TTC17: variants seen among roughly 807,000 people sequenced by gnomAD.
TTC17 encodes the protein tetratricopeptide repeat protein 17.
A neutral mutation model predicts 143.8 loss-of-function variants in TTC17; 58 were observed. The ratio of observed to expected loss-of-function variants is 0.40; its 90% CI spans 0.33 to 0.50. The LOEUF is 0.50. TTC17 is among the 20% of genes least tolerant of loss of function. The pLI is 0.49. For synonymous variants in TTC17, 501 were observed against 497.8 expected (o/e 1.01, Z -0.09); for missense variants, 1,273 against 1,392.5 (o/e 0.91, Z 1.37).
At chr11:43,367,434 G>GA (rs991110234) in intron 1 of TTC17, among the ~76,000 whole-genome samples, 1 of 152,180 alleles carries the variant, frequency 6.6e-6, no homozygotes, top group Non-Finnish European at 1.5e-5. Flanking sequence ...AAAATAATCA[G>GA]AAAAAACAGA....
intron 21 of TTC17, among the ~76,000 whole-genome samples, chr11:43,489,267 T>C (rs925321753): frequency 6.6e-6 from 1 of 151,970 alleles, no homozygotes; most frequent in African/African-American, 2.4e-5. Context: ...AGAAAAGACG[T>C]TCAAAAGGCT....
intron 21 of TTC17, among the ~76,000 whole-genome samples, chr11:43,452,901 C>G (rs1311091948): frequency 2.0e-5 from 3 of 151,794 alleles, no homozygotes; most frequent in Admixed American, 6.6e-5. Context: ...CCAGCCTGGG[C>G]AACAGAGTGA....
At chr11:43,426,655 G>T (rs1947035539) in intron 16 of TTC17, among the ~76,000 whole-genome samples, 1 of 151,982 alleles carries the variant, frequency 6.6e-6, no homozygotes, top group African/African-American at 2.4e-5. Flanking sequence ...ATTTCCTAGT[G>T]CTTGATCTTT....
At chr11:43,490,508 C>T in intron 22 of TTC17, 150 bp downstream of exon 22, 1 of 1,272,624 alleles carries the variant, frequency 7.9e-7, no homozygotes, top group South Asian at 1.9e-5. Context: ...TCTGACTGGG[C>T]TTGTGCCCCA....
At chr11:43,425,856 G>A (rs967735491) in intron 16 of TTC17, among the ~76,000 whole-genome samples, 1 of 152,124 alleles carries the variant, frequency 6.6e-6, no homozygotes, top group African/African-American at 2.4e-5. Flanking sequence ...ATATTGAAAA[G>A]GCCATAGCTT....
chr11:43,477,504 G>A (rs1948206860), intron 21 of TTC17, among the ~76,000 whole-genome samples: 1 of 152,186 alleles, frequency 6.6e-6, no homozygotes, highest in African/African-American at 2.4e-5. Context: ...CAGAATCATG[G>A]CAGGAGGCAA....
At chr11:43,458,053 T>A (rs1374016042) in intron 21 of TTC17, among the ~76,000 whole-genome samples, 2 of 152,170 alleles carry the variant, frequency 1.3e-5, no homozygotes, top group East Asian at 3.8e-4. Context: ...CTGTATCAGT[T>A]ACCTATTGTT....
In TTC17 at chr11:43,430,978, T is replaced by C. The variant is rs940737346; in HGVS notation, c.2252-12347T>C. Among the ~76,000 whole-genome samples the C allele has an allele frequency of 2.0e-5, 3 of 152,140 alleles. No homozygotes were observed. In the East Asian group the frequency reaches 5.8e-4, roughly 29 times the overall value. ...GTGTGATGTTCCCCTCCTGTGTCCA[T>C]GTGTTCTCATTGTTCAGCTCCCACT... On this transcript the variant is annotated intron_variant, in intron 16 of 23. Transcript: ENST00000039989.
At chr11:43,428,427 C>T (rs537985119) in intron 16 of TTC17, among the ~76,000 whole-genome samples, 1 of 152,144 alleles carries the variant, frequency 6.6e-6, no homozygotes, top group African/African-American at 2.4e-5. Context: ...GATCATTTAC[C>T]TTTCTAGAAG....
At chr11:43,478,004 C>T (rs1252023208) in intron 21 of TTC17, among the ~76,000 whole-genome samples, 2 of 152,080 alleles carry the variant, frequency 1.3e-5, no homozygotes, top group Non-Finnish European at 2.9e-5. Context: ...TAGAAGTACA[C>T]ACCTATAAAG....
At chr11:43,486,642 C>T (rs529928328) in intron 21 of TTC17, among the ~76,000 whole-genome samples, 109 of 152,214 alleles carry the variant, frequency 7.2e-4, no homozygotes, top group Non-Finnish European at 1.1e-3. Flanking sequence ...ATACAAGTTC[C>T]ATTTTTCAGT....
chr11:43,368,398 C>T (rs1856433478), intron 1 of TTC17, among the ~76,000 whole-genome samples: 1 of 152,150 alleles, frequency 6.6e-6, no homozygotes, highest in South Asian at 2.1e-4. Flanking sequence ...TTTTCTACCC[C>T]ACCACACCTG....
chr11:43,478,658 A>C (rs1296115599), intron 21 of TTC17, among the ~76,000 whole-genome samples: 1 of 152,092 alleles, frequency 6.6e-6, no homozygotes, highest in African/African-American at 2.4e-5. Flanking sequence ...CCCAGGCGAG[A>C]GTGCAGTGAC....
At chr11:43,366,904 C>T (rs117089590) in intron 1 of TTC17, among the ~76,000 whole-genome samples, 2,945 of 152,234 alleles carry the variant, frequency 0.019, 35 homozygotes, top group Non-Finnish European at 0.031. Context: ...TGTTCTTCCC[C>T]CAACACTCGA....
chr11:43,393,023 C>T lies in TTC17; in HGVS notation c.663+1071C>T, dbSNP rs1264289182. Reference sequence around the variant, plus strand: ...GGTTAGGTGGTTGTATTTGTCTGCTCAGGCTTCCATAACAAAGTACCACTT... The same window carrying T: ...GGTTAGGTGGTTGTATTTGTCTGCTTAGGCTTCCATAACAAAGTACCACTT... On this transcript the variant is annotated intron_variant, in intron 5 of 23. Transcript: ENST00000039989. Among the ~76,000 whole-genome samples, 2 of 152,342 alleles carry T rather than the reference C, an allele frequency of 1.3e-5. 1 individual carries two copies. Among genetic ancestry groups the T allele is most frequent in the South Asian group, 4.1e-4 (2 of 4,828 alleles).
chr11:43,423,421 A>G (rs567940234), intron 16 of TTC17, among the ~76,000 whole-genome samples: 1 of 152,198 alleles, frequency 6.6e-6, no homozygotes, highest in Non-Finnish European at 1.5e-5. Flanking sequence ...GAAAACGCCA[A>G]GAATGGAATC....
At chr11:43,401,392 C>A (rs1053283234) in intron 9 of TTC17, 54 bp from the exon 10 acceptor site, 1 of 1,262,888 alleles carries the variant, frequency 7.9e-7, no homozygotes, top group Admixed American at 1.9e-5. Flanking sequence ...AAGAAAATCA[C>A]ATTGGCATTG....
intron 5 of TTC17, chr11:43,396,314 A>C (rs1395580987): frequency 6.5e-6 from 1 of 153,016 alleles, no homozygotes; most frequent in African/African-American, 2.4e-5. Flanking sequence ...AATAGAAAAA[A>C]TTCTAAAATG....
intron 16 of TTC17, among the ~76,000 whole-genome samples, chr11:43,416,551 G>A (rs75887548): frequency 0.015 from 2,213 of 152,126 alleles, 34 homozygotes; most frequent in African/African-American, 0.048. Flanking sequence ...AACTGGTCCA[G>A]GAAACTAATA....
Sources: allele counts gnomAD v4.1 joint callset (sites outside exome capture counted in the v4.1 genomes callset), GRCh38; gene constraint gnomAD v4.1.1; transcripts MANE v1.5; gene names NCBI Gene and HGNC (gene_info 2026-07-23, HGNC 2026-07-21).